The following EFL1 variants were observed in gnomAD, a reference collection of about 807,000 sequenced individuals.
EFL1 encodes elongation factor-like GTPase 1.
In EFL1, 76 loss-of-function variants were observed where a neutral mutation model predicts 126.7. The observed-to-expected ratio is 0.60, with a 90% confidence interval of 0.50 to 0.73. The LOEUF is 0.73. EFL1 is among the 30% of genes least tolerant of loss of function. EFL1 has a pLI of 0.00. For synonymous variants in EFL1, 410 were observed against 448.4 expected (o/e 0.91, Z 1.08); for missense variants, 1,128 against 1,343.2 (o/e 0.84, Z 2.50).
chr15:82,206,744 G>A (rs1271260231), intron 15 of EFL1, among the ~76,000 whole-genome samples: 2 of 152,070 alleles, frequency 1.3e-5, no homozygotes, highest in African/African-American at 4.8e-5. Flanking sequence ...ACCTGAAAGG[G>A]ACAATAACAA....
intron 19 of EFL1, among the ~76,000 whole-genome samples, chr15:82,133,252 C>T (rs930177263): frequency 6.6e-6 from 1 of 152,242 alleles, no homozygotes; most frequent in African/African-American, 2.4e-5. Flanking sequence ...ACCAGCCCTA[C>T]TTGCTTAAAC....
At chr15:82,163,668 C>T (rs1172482099) in intron 16 of EFL1, among the ~76,000 whole-genome samples, 185 bp downstream of exon 16, 2 of 152,172 alleles carry the variant, frequency 1.3e-5, no homozygotes, top group Admixed American at 6.5e-5. Flanking sequence ...AGCAAAGGTA[C>T]CTGTAACCAT....
At chr15:82,252,521 T>C (rs2075031738) in intron 4 of EFL1, among the ~76,000 whole-genome samples, 170 bp downstream of exon 4, 1 of 152,220 alleles carries the variant, frequency 6.6e-6, no homozygotes, top group African/African-American at 2.4e-5. Flanking sequence ...GAGGTTTCCA[T>C]CTGCATCCAA....
intron 17 of EFL1, among the ~76,000 whole-genome samples, chr15:82,155,772 T>G (rs2073961097): frequency 6.6e-6 from 1 of 152,230 alleles, no homozygotes; most frequent in Non-Finnish European, 1.5e-5. Context: ...TTAACCACTC[T>G]AGTGGGTATG....
chr15:82,262,052 G>A (rs1041510401), intron 1 of EFL1: 15 of 356,066 alleles, frequency 4.2e-5, no homozygotes, highest in Admixed American at 3.9e-4. Context: ...CACGCAGCTC[G>A]AGGGGACTGG....
chr15:82,143,485 T>C (rs1290255112), intron 18 of EFL1, among the ~76,000 whole-genome samples: 2 of 152,180 alleles, frequency 1.3e-5, no homozygotes. Context: ...TACAAATAAA[T>C]TGGTAGGTAC....
At chr15:82,168,598 G>A (rs538640165) in intron 15 of EFL1, among the ~76,000 whole-genome samples, 56 of 152,240 alleles carry the variant, frequency 3.7e-4, no homozygotes, top group Admixed American at 1.9e-3. Flanking sequence ...TGCAACCTCC[G>A]GCTCCTGGGG....
chr15:82,197,059 CATT>C (rs1206254642), intron 15 of EFL1, among the ~76,000 whole-genome samples: 1 of 151,388 alleles, frequency 6.6e-6, no homozygotes, highest in Non-Finnish European at 1.5e-5. Context: ...ATTGTGGCAT[CATT>C]GTTAGTATCA....
intron 4 of EFL1, among the ~76,000 whole-genome samples, chr15:82,248,190 C>G (rs1226081775): frequency 6.6e-6 from 1 of 152,058 alleles, no homozygotes; most frequent in Non-Finnish European, 1.5e-5. Context: ...TATCGTGTAC[C>G]TAGTTTCTTA....
Position 82,219,831 on chromosome 15 carries a change from A to G in EFL1, c.1445-13T>C, listed in dbSNP as rs1392859455. The stretch of plus-strand genomic sequence containing the variant: ...TGTTGCTCGTCACCTGACAGAAACA[A>G]AAAGATAATTAGTGCCAAGAATGCC... On this transcript the variant is annotated splice_polypyrimidine_tract_variant and intron_variant, in intron 13 of 19. Transcript: ENST00000268206. The G allele has an allele frequency of 1.3e-6, 2 of 1,596,578 alleles. No homozygotes were observed. Among genetic ancestry groups the G allele is most frequent in the Non-Finnish European group, 8.5e-7 (1 of 1,174,532 alleles).
At chr15:82,212,395 A>C (rs2074599864) in intron 15 of EFL1, among the ~76,000 whole-genome samples, 1 of 152,254 alleles carries the variant, frequency 6.6e-6, no homozygotes, top group Non-Finnish European at 1.5e-5. Context: ...CAAGCCCAGC[A>C]AGGTTACATA....
chr15:82,158,639 C>G (rs2073991109), intron 16 of EFL1, among the ~76,000 whole-genome samples: 1 of 152,176 alleles, frequency 6.6e-6, no homozygotes, highest in African/African-American at 2.4e-5. Flanking sequence ...CTTAGCAATT[C>G]CTCAATGCTT....
chr15:82,189,923 C>G (rs1224407001), intron 15 of EFL1, among the ~76,000 whole-genome samples: 2 of 152,074 alleles, frequency 1.3e-5, no homozygotes, highest in Non-Finnish European at 2.9e-5. Context: ...TGAGACCAGC[C>G]TGGCCAACAT....
chr15:82,190,960 A>G (rs2074353286), intron 15 of EFL1, among the ~76,000 whole-genome samples: 1 of 151,426 alleles, frequency 6.6e-6, no homozygotes, highest in African/African-American at 2.4e-5. Context: ...CTGTGCAGGT[A>G]TTATTTTATT....
At chr15:82,214,936 A>T in intron 14 of EFL1, 81 bp from the exon 15 acceptor site, 7 of 1,451,718 alleles carry the variant, frequency 4.8e-6, no homozygotes, top group Non-Finnish European at 6.5e-6. Context: ...ACTTCTATTC[A>T]TCAGTAAGAT....
chr15:82,193,444 A>G (rs1390793365), intron 15 of EFL1, among the ~76,000 whole-genome samples: 1 of 152,108 alleles, frequency 6.6e-6, no homozygotes, highest in Non-Finnish European at 1.5e-5. Context: ...CAACCCCTAT[A>G]CTTTGAACAC....
At chr15:82,188,881 T>A (rs2074328635) in intron 15 of EFL1, among the ~76,000 whole-genome samples, 1 of 152,044 alleles carries the variant, frequency 6.6e-6, no homozygotes, top group South Asian at 2.1e-4. Flanking sequence ...AATGGTAAAG[T>A]TTGTGAGATT....
chr15:82,161,307 C>T (rs1373855859), intron 16 of EFL1, among the ~76,000 whole-genome samples: 1 of 152,044 alleles, frequency 6.6e-6, no homozygotes, highest in Non-Finnish European at 1.5e-5. Context: ...TCCCAATAGT[C>T]GTCAGACATG....
chr15:82,163,230 TAAG>T (rs1266344931), intron 16 of EFL1, among the ~76,000 whole-genome samples: 3 of 152,174 alleles, frequency 2.0e-5, no homozygotes, highest in East Asian at 1.9e-4. Context: ...AGATTCCAAC[TAAG>T]AAGAAGTCAC....
Sources: allele counts gnomAD v4.1 joint callset (sites outside exome capture counted in the v4.1 genomes callset), GRCh38; gene constraint gnomAD v4.1.1; transcripts MANE v1.5; gene names NCBI Gene and HGNC (gene_info 2026-07-23, HGNC 2026-07-21).